The following BRIP1 variants were observed in gnomAD, a reference collection of about 807,000 sequenced individuals.
BRIP1 encodes the protein BRCA1 interacting DNA helicase 1, also known as Fanconi anemia group J protein.
A neutral mutation model predicts 119.7 loss-of-function variants in BRIP1; 88 were observed. The ratio of observed to expected loss-of-function variants is 0.74; its 90% CI spans 0.62 to 0.88. BRIP1 has a LOEUF of 0.88. Among genes scored for constraint, BRIP1 ranks in the 40% least tolerant of loss-of-function variants. The pLI, the probability that BRIP1 is intolerant of heterozygous loss-of-function variation, is 0.00. For missense variants in BRIP1, 1,259 were observed against 1,455.4 expected (o/e 0.87, Z 2.20); for synonymous variants, 443 against 496.5 (o/e 0.89, Z 1.43).
At chr17:61,732,377 C>G (rs2076860160) in intron 16 of BRIP1, among the ~76,000 whole-genome samples, 1 of 152,120 alleles carries the variant, frequency 6.6e-6, no homozygotes, top group African/African-American at 2.4e-5. Context: ...TTGAATCTCA[C>G]TGTAGAGAAG....
In BRIP1 at chr17:61,853,287, A is replaced by G. The variant is rs1024693929; in HGVS notation, c.379+3771T>C. 2.0e-5 allele frequency among the ~76,000 whole-genome samples: 3 copies of G among 151,962 alleles called. No homozygotes were observed. Among genetic ancestry groups the G allele is most frequent in the Non-Finnish European group, 4.4e-5 (3 of 68,000 alleles). On this transcript the variant is annotated intron_variant, in intron 4 of 19. Coordinates refer to ENST00000259008, the MANE Select transcript of BRIP1 (RefSeq NM_032043.3). The surrounding 1 kb of genome is among the most constrained non-coding windows in gnomAD (Gnocchi z 4.3). The stretch of plus-strand genomic sequence containing the variant: ...CTATTTCTGTAAAAAGGCAAAACTC[A>G]TCAATGGTCACAGGAGGACAAGAAT...
Position 61,686,028 on chromosome 17 carries a change from T to C in BRIP1, c.2713A>G (p.Asn905Asp). Residue 905 changes from asparagine to aspartate, a missense_variant, in exon 19 of 20, where the codon AAT becomes GAT. Transcript: ENST00000259008. The surrounding 1 kb of genome is among the most constrained non-coding windows in gnomAD (Gnocchi z 5.4). ...GAGGTCACTTCAAGTGTAGACTCAT[T>C]GTCCTGTATATTGGTTCTGTCCTTT... ...SIKDRTNIQD[N>D]ESTLEVTSLK... 6.2e-7 allele frequency: 1 copy of C among 1,613,862 alleles called. No individual in the cohort carries two copies. The highest frequency in any genetic ancestry group is 1.3e-5 in the African/African-American group (1 of 74,956).
intron 16 of BRIP1, among the ~76,000 whole-genome samples, chr17:61,718,635 T>G (rs951532055): frequency 3.9e-5 from 6 of 152,182 alleles, no homozygotes; most frequent in Non-Finnish European, 8.8e-5. Flanking sequence ...TCCCTAAACT[T>G]TATCTCTTTA....
intron 16 of BRIP1, among the ~76,000 whole-genome samples, chr17:61,719,957 T>C (rs2061946085): frequency 6.6e-6 from 1 of 152,054 alleles, no homozygotes; most frequent in Non-Finnish European, 1.5e-5. Context: ...GCCTCCCAAG[T>C]AGGTTGGACT....
rs1186674204 is a variant in BRIP1 at position 61,689,559 on chromosome 17, A to G, written c.2576-3394T>C. On this transcript the variant is annotated intron_variant, in intron 18 of 19. Transcript: ENST00000259008. The surrounding 1 kb of genome is among the most constrained non-coding windows in gnomAD (Gnocchi z 4.5). ...TAATAAACCTGGGGGGAGGAAAATG[A>G]CATCCAAATACATGAAGCCCAGTGA... is the stretch of plus-strand genomic sequence containing the variant. Among the ~76,000 whole-genome samples, 2 of 152,186 alleles carry G rather than the reference A, an allele frequency of 1.3e-5. No homozygotes were observed. Among genetic ancestry groups the G allele is most frequent in the Non-Finnish European group, 2.9e-5 (2 of 68,028 alleles).
rs1064795010 is a variant in BRIP1 at position 61,743,137 on chromosome 17, TAAAC to T, written c.2258-7_2258-4del. ...AACTGCTACCAGGAGAGCTCCATCT[TAAAC>T]AACAGAAAAAAGCATATCCAAAATT... On this transcript the variant is annotated splice_region_variant and splice_polypyrimidine_tract_variant and intron_variant, in intron 15 of 19. Coordinates refer to ENST00000259008, the MANE Select transcript of BRIP1 (RefSeq NM_032043.3). The surrounding 1 kb of genome is among the most constrained non-coding windows in gnomAD (Gnocchi z 4.3). 1.9e-6 allele frequency: 3 copies of T among 1,613,874 alleles called. No individual in the cohort carries two copies. The highest frequency in any genetic ancestry group is 1.1e-5 in the South Asian group (1 of 91,080).
At position 61,745,855 on chromosome 17, in the gene BRIP1, A is replaced by G. The variant is rs1567782716; in HGVS notation, c.2098-1264T>C. On this transcript the variant is annotated intron_variant, in intron 14 of 19. Transcript: ENST00000259008. The surrounding 1 kb of genome is among the most constrained non-coding windows in gnomAD (Gnocchi z 4.4). ...ATTTTTAAAATGTCAAAATAAAAGA[A>G]TCAAGTATTCTTTCCAAGAAGCTAG... Among the ~76,000 whole-genome samples the G allele has an allele frequency of 6.6e-6, 1 of 152,254 alleles. No homozygotes were observed. The highest frequency in any genetic ancestry group is 1.5e-5 in the Non-Finnish European group (1 of 68,038).
intron 11 of BRIP1, among the ~76,000 whole-genome samples, chr17:61,783,159 A>G (rs1260721185): frequency 2.0e-5 from 3 of 152,360 alleles, no homozygotes; most frequent in Admixed American, 6.5e-5. Context: ...GTCCATTAAC[A>G]TAAGAATAAA....
At chr17:61,715,551 T>G (rs2144374034) in intron 17 of BRIP1, among the ~76,000 whole-genome samples, 1 of 152,334 alleles carries the variant, frequency 6.6e-6, no homozygotes, top group South Asian at 2.1e-4. Flanking sequence ...CTGGCTGGTA[T>G]ATCAATTTTC....
intron 14 of BRIP1, among the ~76,000 whole-genome samples, chr17:61,763,825 T>C (rs2077312979): frequency 6.6e-6 from 1 of 152,084 alleles, no homozygotes; most frequent in Admixed American, 6.6e-5. Context: ...GTTAAAATCG[T>C]AGCTAGAAGT....
chr17:61,727,281 C>G (rs1373590067), intron 16 of BRIP1, among the ~76,000 whole-genome samples: 1 of 152,178 alleles, frequency 6.6e-6, no homozygotes, highest in Non-Finnish European at 1.5e-5. Context: ...AGAGGAGGCT[C>G]AGACTCAGCT....
rs1435717105 is a variant in BRIP1 at position 61,700,934 on chromosome 17, C to T, written c.2493-7422G>A. On this transcript the variant is annotated intron_variant, in intron 17 of 19. Coordinates refer to ENST00000259008, the MANE Select transcript of BRIP1 (RefSeq NM_032043.3). This position sits in a 1 kb window ranked among gnomAD's most constrained non-coding sequence, Gnocchi z 4.1. ...TGCCTTCTTAAATCTGCTGTTGGGC[C>T]CCTGTAATGAATATTTCATTTTAGC... is the stretch of plus-strand genomic sequence containing the variant. 2.0e-5 allele frequency among the ~76,000 whole-genome samples: 3 copies of T among 151,912 alleles called. No homozygotes were observed. Among genetic ancestry groups the T allele is most frequent in the African/African-American group, 7.3e-5 (3 of 41,340 alleles).
In BRIP1 at chr17:61,788,380, T is replaced by C. The variant is rs1255795182; in HGVS notation, c.1474-3956A>G. On this transcript the variant is annotated intron_variant, in intron 10 of 19. Transcript: ENST00000259008. ...TGTCATGAATGGGAAAACTTCATAA[T>C]GTAAATGCATGAATTCTTTCCAAAT... Among the ~76,000 whole-genome samples the C allele has an allele frequency of 2.6e-5, 4 of 152,290 alleles. No individual in the cohort carries two copies. In the East Asian group the frequency reaches 7.7e-4, roughly 29 times the overall value.
chr17:61,861,767 T>A lies in BRIP1; in HGVS notation c.-30-198A>T. ...GTCTTAGAGTCTAACAAATCTAGAT[T>A]TGTATCCTTCACTCTGCCAGGTATT... On this transcript the variant is annotated intron_variant, in intron 1 of 19. Coordinates refer to ENST00000259008, the MANE Select transcript of BRIP1 (RefSeq NM_032043.3). This position sits in a 1 kb window ranked among gnomAD's most constrained non-coding sequence, Gnocchi z 4.5. 1.7e-6 allele frequency: 1 copy of A among 577,462 alleles called. No individual in the cohort carries two copies. Among genetic ancestry groups the A allele is most frequent in the South Asian group, 2.0e-5 (1 of 49,428 alleles). 35.8% of individuals were successfully genotyped at this position (577,462 alleles called of 1,614,324 possible).
rs1337373711 is a variant in BRIP1, at chr17:61,848,160, T to A, written c.508-940A>T. Among the ~76,000 whole-genome samples the A allele has an allele frequency of 6.7e-6, 1 of 149,356 alleles. No homozygotes were observed. The highest frequency in any genetic ancestry group is 6.9e-5 in the Admixed American group (1 of 14,504). On this transcript the variant is annotated intron_variant, in intron 5 of 19. Transcript: ENST00000259008. The surrounding 1 kb of genome is among the most constrained non-coding windows in gnomAD (Gnocchi z 4.3). ...CTACAAATAACATCCTAATTAATAA[T>A]TTTTTTATTTTATGTTTTTATTTAT...
rs2144672389 is a variant in BRIP1 at position 61,742,913 on chromosome 17, T to A, written c.2379+100A>T. ...AAACCTTCAATTTGTAAAAAAGCAC[T>A]ATAAAAGCAAAGCGCAATAAAATGA... On this transcript the variant is annotated intron_variant, in intron 16 of 19. Transcript: ENST00000259008. The surrounding 1 kb of genome is among the most constrained non-coding windows in gnomAD (Gnocchi z 4.7). The A allele has an allele frequency of 6.8e-7, 1 of 1,479,392 alleles. No homozygotes were observed. Among genetic ancestry groups the A allele is most frequent in the East Asian group, 2.3e-5 (1 of 43,830 alleles). The allele number at this position is 1,479,392 out of a possible 1,614,324, so 91.6% of individuals were successfully genotyped here. A position where few individuals can be genotyped will look rare whatever the true frequency, so the allele number is the denominator to read the frequency against.
intron 4 of BRIP1, among the ~76,000 whole-genome samples, chr17:61,854,552 C>T (rs937446445): frequency 1.3e-5 from 2 of 151,558 alleles, no homozygotes; most frequent in African/African-American, 4.9e-5. Flanking sequence ...ACTAAAAATA[C>T]AAAAATTAGC....
At position 61,768,234 on chromosome 17, in the gene BRIP1, G is replaced by GT. The variant is rs2077399451; in HGVS notation, c.2097+8166_2097+8167insA. Among the ~76,000 whole-genome samples, 1 of 152,106 alleles carries GT rather than the reference G, an allele frequency of 6.6e-6. No homozygotes were observed. The highest frequency in any genetic ancestry group is 1.5e-5 in the Non-Finnish European group (1 of 68,020). ...AAATAAATGTGAAGTAAAGTTATGA[G>GT]ATTTCTCAGGAAGATCTTAAATATA... On this transcript the variant is annotated intron_variant, in intron 14 of 19. Transcript: ENST00000259008. The surrounding 1 kb of genome is among the most constrained non-coding windows in gnomAD (Gnocchi z 5.0).
At position 61,809,780 on chromosome 17, in the gene BRIP1, A is replaced by C. The variant is rs2078133814; in HGVS notation, c.628-1023T>G. Among the ~76,000 whole-genome samples, 1 of 152,198 alleles carries C rather than the reference A, an allele frequency of 6.6e-6. No individual in the cohort carries two copies. Among genetic ancestry groups the C allele is most frequent in the Non-Finnish European group, 1.5e-5 (1 of 68,018 alleles). On this transcript the variant is annotated intron_variant, in intron 6 of 19. Coordinates refer to ENST00000259008, the MANE Select transcript of BRIP1 (RefSeq NM_032043.3). This position sits in a 1 kb window ranked among gnomAD's most constrained non-coding sequence, Gnocchi z 5.2. Reference sequence around the variant, plus strand: ...TTGTAACTTAAAAGACTGTGTGCTAAAGAGTTTTAATTTAGTAGAACAAAC... The same window carrying C: ...TTGTAACTTAAAAGACTGTGTGCTACAGAGTTTTAATTTAGTAGAACAAAC...
Sources: allele counts gnomAD v4.1 joint callset (sites outside exome capture counted in the v4.1 genomes callset), GRCh38; gene constraint gnomAD v4.1.1; non-coding constraint Gnocchi (gnomAD v3.1); transcripts MANE v1.5; gene names NCBI Gene and HGNC (gene_info 2026-07-23, HGNC 2026-07-21).